ANKS1B: variants seen among roughly 807,000 people sequenced by gnomAD.
The protein encoded by ANKS1B is ankyrin repeat and sterile alpha motif domain-containing protein 1B.
Under a neutral mutation model 148.3 loss-of-function variants are expected in ANKS1B, and 36 were observed. The observed-to-expected ratio is 0.24, with a 90% CI of 0.19 to 0.32. The LOEUF (loss-of-function observed/expected upper bound fraction) is 0.32. ANKS1B is among the 10% of genes least tolerant of loss of function. ANKS1B has a pLI of 1.00. For synonymous variants in ANKS1B, 542 were observed against 560.8 expected (o/e 0.97, Z 0.47); for missense variants, 1,157 against 1,542.6 (o/e 0.75, Z 4.19).
At chr12:99,031,575 C>A (rs1207172115) in intron 17 of ANKS1B, among the ~76,000 whole-genome samples, 2 of 152,204 alleles carry the variant, frequency 1.3e-5, no homozygotes, top group Non-Finnish European at 1.5e-5. Context: ...CTTTTGATAT[C>A]CTGATAAAAG....
intron 1 of ANKS1B, among the ~76,000 whole-genome samples, chr12:99,966,499 G>T (rs1210160157): frequency 1.3e-5 from 2 of 152,182 alleles, no homozygotes; most frequent in Admixed American, 6.5e-5. Context: ...TCTGATGTAT[G>T]ATGGGAGATG....
intron 17 of ANKS1B, among the ~76,000 whole-genome samples, chr12:98,974,225 A>G (rs1343101624): frequency 2.6e-5 from 4 of 152,306 alleles, no homozygotes; most frequent in Middle Eastern, 3.4e-3. Flanking sequence ...AATCCAGCTC[A>G]GTGTTGTTTG....
intron 1 of ANKS1B, among the ~76,000 whole-genome samples, chr12:99,977,966 C>T (rs2153851126): frequency 6.6e-6 from 1 of 152,268 alleles, no homozygotes; most frequent in Admixed American, 6.5e-5. Flanking sequence ...TCTTCAGGTT[C>T]CATAGGTTGA....
intron 17 of ANKS1B, among the ~76,000 whole-genome samples, chr12:98,970,722 A>G (rs574901747): frequency 2.7e-4 from 41 of 152,316 alleles, no homozygotes; most frequent in African/African-American, 9.4e-4. Flanking sequence ...TTTATATGAA[A>G]TGGCTTAGAA....
At chr12:98,880,692 C>T (rs1258995844) in intron 17 of ANKS1B, among the ~76,000 whole-genome samples, 6 of 152,120 alleles carry the variant, frequency 3.9e-5, no homozygotes, top group East Asian at 1.9e-4. Context: ...GGCGTGAACC[C>T]GGAAGGCGGA....
intron 10 of ANKS1B, among the ~76,000 whole-genome samples, chr12:99,467,004 C>T (rs1405506420): frequency 2.6e-5 from 4 of 152,238 alleles, no homozygotes; most frequent in East Asian, 1.9e-4. Flanking sequence ...AATTTTAGAC[C>T]AATATCCTTG....
chr12:99,084,808 C>G, intron 16 of ANKS1B, 117 bp downstream of exon 16: 1 of 724,860 alleles, frequency 1.4e-6, no homozygotes, highest in Non-Finnish European at 2.3e-6. Flanking sequence ...AAGATCTGCT[C>G]TTGAGGTTGC....
At chr12:99,624,247 A>G (rs1201973399) in intron 9 of ANKS1B, among the ~76,000 whole-genome samples, 1 of 152,124 alleles carries the variant, frequency 6.6e-6, no homozygotes, top group East Asian at 1.9e-4. Context: ...CATAAAACAA[A>G]TTAACCCAAA....
intron 1 of ANKS1B, among the ~76,000 whole-genome samples, chr12:99,831,015 T>A (rs1325433661): frequency 6.6e-6 from 1 of 152,166 alleles, no homozygotes; most frequent in Non-Finnish European, 1.5e-5. Flanking sequence ...CTCTTTCCTC[T>A]TAGTTATGGG....
chr12:98,787,735 C>A (rs2098808924), intron 22 of ANKS1B, among the ~76,000 whole-genome samples: 1 of 151,778 alleles, frequency 6.6e-6, no homozygotes, highest in Non-Finnish European at 1.5e-5. Context: ...GCCTGGGCAA[C>A]ACAGTGAAAC....
chr12:99,550,525 G>A (rs1415375221), intron 9 of ANKS1B, among the ~76,000 whole-genome samples: 1 of 151,904 alleles, frequency 6.6e-6, no homozygotes, highest in Admixed American at 6.6e-5. Flanking sequence ...TTGGGAGACT[G>A]AGGCAGGAGA....
chr12:99,911,369 T>G (rs2093999982), intron 1 of ANKS1B, among the ~76,000 whole-genome samples: 1 of 152,174 alleles, frequency 6.6e-6, no homozygotes, highest in Non-Finnish European at 1.5e-5. Context: ...TCCTCTCATC[T>G]ACAAACATGG....
intron 17 of ANKS1B, among the ~76,000 whole-genome samples, chr12:98,928,459 A>G (rs528943077): frequency 1.3e-5 from 2 of 152,074 alleles, no homozygotes; most frequent in Non-Finnish European, 2.9e-5. Flanking sequence ...TGACACCATA[A>G]TGAGACAATG....
At position 99,875,412 on chromosome 12, in the gene ANKS1B, C is replaced by A. The variant is rs190597860; in HGVS notation, c.135-50023G>T. Among the ~76,000 whole-genome samples, 4 of 151,306 alleles carry A rather than the reference C, an allele frequency of 2.6e-5. No homozygotes were observed. In the East Asian group the frequency reaches 5.8e-4, roughly 22 times the overall value. On this transcript the variant is annotated intron_variant, in intron 1 of 26. Transcript: ENST00000683438. ...GCTTTATCAAGCCACAAAAATTGTG[C>A]CCCAAATCATTTACAGTTTAACTTA...
intron 9 of ANKS1B, among the ~76,000 whole-genome samples, chr12:99,552,346 T>C (rs1470992349): frequency 6.6e-6 from 1 of 152,228 alleles, no homozygotes; most frequent in African/African-American, 2.4e-5. Flanking sequence ...TAAATATTTG[T>C]TGGCTTAATG....
chr12:98,930,808 G>A (rs1208459603), intron 17 of ANKS1B, among the ~76,000 whole-genome samples: 1 of 152,100 alleles, frequency 6.6e-6, no homozygotes, highest in Non-Finnish European at 1.5e-5. Flanking sequence ...CTAAAGTTAA[G>A]ACAGTTGTGA....
intron 10 of ANKS1B, among the ~76,000 whole-genome samples, chr12:99,453,038 C>T (rs1204704633): frequency 1.3e-5 from 2 of 152,164 alleles, no homozygotes; most frequent in Non-Finnish European, 2.9e-5. Flanking sequence ...CGCCTGTAAT[C>T]CTAGCACTTT....
At chr12:99,575,598 G>C (rs562869485) in intron 9 of ANKS1B, among the ~76,000 whole-genome samples, 44 of 152,116 alleles carry the variant, frequency 2.9e-4, no homozygotes, top group African/African-American at 9.4e-4. Context: ...CCAAGTGAAA[G>C]GGGAAACCCC....
chr12:99,355,447 G>C (rs1369854436), intron 12 of ANKS1B, among the ~76,000 whole-genome samples: 4 of 152,028 alleles, frequency 2.6e-5, no homozygotes, highest in Non-Finnish European at 1.5e-5. Flanking sequence ...TTATTTTAAT[G>C]CCTTTTTAGT....
Sources: allele counts gnomAD v4.1 joint callset (sites outside exome capture counted in the v4.1 genomes callset), GRCh38; gene constraint gnomAD v4.1.1; transcripts MANE v1.5; gene names NCBI Gene and HGNC (gene_info 2026-07-23, HGNC 2026-07-21).